CHD7: variants seen among roughly 807,000 people sequenced by gnomAD.
The protein encoded by CHD7 is ATP-dependent chromatin remodeler CHD7.
CHD7 carries 24 observed loss-of-function variants against 307.3 expected under a neutral mutation model. That is an observed-to-expected ratio of 0.08 (90% CI 0.06 to 0.11). The LOEUF (loss-of-function observed/expected upper bound fraction) is 0.11, where lower values mean the gene tolerates loss of function less well. Among genes scored for constraint, CHD7 ranks in the 10% least tolerant of loss-of-function variants. The pLI is 1.00. For synonymous variants in CHD7, 1,363 were observed against 1,349.9 expected, an observed-to-expected ratio of 1.01 and a Z score of -0.21; for missense variants, 3,106 against 3,727.1, an observed-to-expected ratio of 0.83 and a Z score of 4.34.
chr8:60,843,435 T>C (rs920044064), intron 21 of CHD7, among the ~76,000 whole-genome samples: 2 of 152,230 alleles, frequency 1.3e-5, no homozygotes, highest in African/African-American at 4.8e-5. Context: ...AGAAGTGTGC[T>C]TAGCGCAGAT....
intron 2 of CHD7, among the ~76,000 whole-genome samples, chr8:60,770,958 G>T (rs556011218): frequency 7.9e-5 from 12 of 152,272 alleles, no homozygotes; most frequent in Middle Eastern, 3.4e-3. Flanking sequence ...GAGGTTGCCT[G>T]GTTTGAATCT....
At chr8:60,697,065 GA>G (rs1806517953) in intron 1 of CHD7, among the ~76,000 whole-genome samples, 1 of 152,108 alleles carries the variant, frequency 6.6e-6, no homozygotes, top group Non-Finnish European at 1.5e-5. Flanking sequence ...ATTTCAGACC[GA>G]TTTAGTGTTA....
intron 2 of CHD7, among the ~76,000 whole-genome samples, chr8:60,758,296 G>GT (rs1281113342): frequency 6.6e-6 from 1 of 151,892 alleles, no homozygotes; most frequent in Non-Finnish European, 1.5e-5. Flanking sequence ...TAATTTTTTT[G>GT]TATCTTTTGT....
At chr8:60,808,874 G>A (rs1037480072) in intron 7 of CHD7, 3 of 152,264 alleles carry the variant, frequency 2.0e-5, no homozygotes, top group Non-Finnish European at 4.4e-5. Context: ...GAGCTAGGAT[G>A]TTTTCAGAGT....
At chr8:60,733,915 AT>A (rs955232585) in intron 1 of CHD7, among the ~76,000 whole-genome samples, 4 of 152,286 alleles carry the variant, frequency 2.6e-5, no homozygotes, top group Admixed American at 2.0e-4. Flanking sequence ...TGTTAACTGC[AT>A]TTTTTTGACT....
intron 3 of CHD7, among the ~76,000 whole-genome samples, chr8:60,785,860 C>T (rs1811466169): frequency 6.7e-6 from 1 of 148,928 alleles, no homozygotes. Context: ...TTTTCTTATT[C>T]TTTATTTTAC....
chr8:60,816,113 G>GTC (rs201056061), intron 7 of CHD7, among the ~76,000 whole-genome samples: 2,085 of 139,268 alleles, frequency 0.015, 26 homozygotes, highest in Middle Eastern at 0.028. Context: ...CTGTCTGTCT[G>GTC]TCTCTCTCTC....
Position 60,861,059 on chromosome 8 carries a change from T to C in CHD7, c.7764T>C (p.Asn2588=). ...TRLVGEDAPK[N]KDLVEWLKLH... ...TGGTGGGGGAAGATGCTCCTAAAAA[T>C]AAGGATTTAGTTGAATGGCTGAAGC... Residue 2588 remains asparagine, a synonymous_variant, in exon 35 of 38, where the codon AAT becomes AAC. Transcript: ENST00000423902. 1 of 1,613,732 alleles carries C rather than the reference T, an allele frequency of 6.2e-7. No homozygotes were observed. Among genetic ancestry groups the C allele is most frequent in the Non-Finnish European group, 8.5e-7 (1 of 1,179,816 alleles).
chr8:60,796,979 A>G (rs1454526364), intron 4 of CHD7, among the ~76,000 whole-genome samples: 1 of 152,196 alleles, frequency 6.6e-6, no homozygotes, highest in Non-Finnish European at 1.5e-5. Context: ...TAAATGTTCT[A>G]TTTGTTATAC....
At chr8:60,854,826 A>G (rs1207962574) in intron 32 of CHD7, among the ~76,000 whole-genome samples, 2 of 152,218 alleles carry the variant, frequency 1.3e-5, no homozygotes, top group South Asian at 4.1e-4. Context: ...GTTGTCTAGC[A>G]TAATGTATGG....
intron 4 of CHD7, 131 bp downstream of exon 4, chr8:60,795,258 A>G: frequency 2.3e-6 from 2 of 858,750 alleles, no homozygotes; most frequent in Non-Finnish European, 3.5e-6. Flanking sequence ...GTAGTCTGGA[A>G]CATTATCTCC....
chr8:60,758,365 C>A (rs375925538), intron 2 of CHD7, among the ~76,000 whole-genome samples: 4 of 152,148 alleles, frequency 2.6e-5, no homozygotes, highest in African/African-American at 9.7e-5. Context: ...CTCAACTGAT[C>A]CGCACCCCTT....
At position 60,866,041 on chromosome 8, in the gene CHD7, A is replaced by G. The variant is rs1412783180; in HGVS notation, c.*108A>G. The G allele has an allele frequency of 1.4e-5, 14 of 1,032,786 alleles. No homozygotes were observed. Among genetic ancestry groups the G allele is most frequent in the Admixed American group, 5.0e-5 (2 of 39,716 alleles). 64.0% of individuals were successfully genotyped at this position (1,032,786 alleles called of 1,614,324 possible). ...CTAGTTTTATAAGCTGTTCTGTAACATAGTGTAGCAAAAAAAAAAGTTCAA... is the reference window on the plus strand; with the variant it reads ...CTAGTTTTATAAGCTGTTCTGTAACGTAGTGTAGCAAAAAAAAAAGTTCAA... On this transcript the variant is annotated 3_prime_UTR_variant, in exon 38 of 38. Coordinates refer to ENST00000423902, the MANE Select transcript of CHD7 (RefSeq NM_017780.4).
intron 2 of CHD7, among the ~76,000 whole-genome samples, chr8:60,777,279 A>T (rs1195875527): frequency 1.3e-5 from 2 of 152,224 alleles, no homozygotes; most frequent in Non-Finnish European, 2.9e-5. Context: ...GGTGCCCTGT[A>T]TGACAAAATG....
intron 1 of CHD7, among the ~76,000 whole-genome samples, chr8:60,686,407 G>A (rs1805895001): frequency 6.6e-6 from 1 of 151,904 alleles, no homozygotes; most frequent in Non-Finnish European, 1.5e-5. Flanking sequence ...AGCCAGCAGT[G>A]TATTCTTAGG....
chr8:60,761,201 A>G (rs1213395453), intron 2 of CHD7, among the ~76,000 whole-genome samples: 3 of 151,614 alleles, frequency 2.0e-5, no homozygotes, highest in Admixed American at 2.0e-4. Context: ...AGGGACATGG[A>G]TGAAATTGGA....
chr8:60,684,208 G>T (rs758735285), intron 1 of CHD7, among the ~76,000 whole-genome samples: 7 of 152,138 alleles, frequency 4.6e-5, no homozygotes, highest in African/African-American at 7.2e-5. Flanking sequence ...TCACTCTCAG[G>T]CTTGTTTACC....
At chr8:60,779,522 T>C (rs1380562722) in intron 2 of CHD7, among the ~76,000 whole-genome samples, 1 of 152,242 alleles carries the variant, frequency 6.6e-6, no homozygotes, top group East Asian at 1.9e-4. Flanking sequence ...CACTTTTTTG[T>C]TATGAGATTC....
chr8:60,756,337 A>G (rs1452135589), intron 2 of CHD7, among the ~76,000 whole-genome samples: 1 of 152,214 alleles, frequency 6.6e-6, no homozygotes, highest in Admixed American at 6.5e-5. Context: ...TCATCTATAC[A>G]TGGTAATGCT....
Sources: allele counts gnomAD v4.1 joint callset (sites outside exome capture counted in the v4.1 genomes callset), GRCh38; gene constraint gnomAD v4.1.1; transcripts MANE v1.5; gene names NCBI Gene and HGNC (gene_info 2026-07-23, HGNC 2026-07-21).